Variants in MRPL3 observed in about 807,000 individuals in gnomAD.
MRPL3 encodes the protein large ribosomal subunit protein uL3m.
A neutral mutation model predicts 44.3 loss-of-function variants in MRPL3; 43 were observed. The ratio of observed to expected loss-of-function variants is 0.97; its 90% CI spans 0.76 to 1.25. MRPL3 has a LOEUF of 1.25. Ranked by LOEUF, MRPL3 falls within the 50% of genes most tolerant of loss-of-function variation. The pLI is 0.00. For synonymous variants in MRPL3, 171 were observed against 152.3 expected (o/e 1.12, Z -0.91); for missense variants, 406 against 427.6 (o/e 0.95, Z 0.45).
chr3:131,471,350 G>A lies in MRPL3; in HGVS notation c.630-71C>T. On this transcript the variant is annotated intron_variant, in intron 6 of 9. Coordinates refer to ENST00000264995, the MANE Select transcript of MRPL3 (RefSeq NM_007208.4). ...ACCATTCCCAATTGTACACTTTCTA[G>A]TACCAACTGTACACATTCTTGTTAG... 6.3e-6 allele frequency: 6 copies of A among 959,714 alleles called. No individual in the cohort carries two copies. In the Admixed American group the frequency reaches 9.2e-5, roughly 15 times the overall value. The allele number at this position is 959,714 out of a possible 1,614,324, so 59.4% of individuals were successfully genotyped here.
At chr3:131,487,628 T>C in intron 6 of MRPL3, 52 bp downstream of exon 6, 1 of 1,353,422 alleles carries the variant, frequency 7.4e-7, no homozygotes, top group Non-Finnish European at 1.0e-6. Context: ...TATTCTATTC[T>C]CTTTTAATAG....
intron 6 of MRPL3, among the ~76,000 whole-genome samples, chr3:131,486,031 G>C (rs1195744417): frequency 6.6e-6 from 1 of 151,984 alleles, no homozygotes; most frequent in Non-Finnish European, 1.5e-5. Context: ...TTATGTTGAA[G>C]AAACAAACAT....
At chr3:131,497,167 T>C (rs1193781228) in intron 4 of MRPL3, among the ~76,000 whole-genome samples, 1 of 152,218 alleles carries the variant, frequency 6.6e-6, no homozygotes, top group Non-Finnish European at 1.5e-5. Flanking sequence ...CACTAGCTTA[T>C]GAGCTCCCAG....
intron 3 of MRPL3, 150 bp from the exon 4 acceptor site, chr3:131,498,427 T>C: frequency 7.7e-6 from 4 of 516,984 alleles, no homozygotes; most frequent in Non-Finnish European, 3.3e-6. Flanking sequence ...CTTAAAAATA[T>C]AAATTAAAAA....
intron 6 of MRPL3, 84 bp downstream of exon 6, chr3:131,487,596 G>A: frequency 9.3e-7 from 1 of 1,070,178 alleles, no homozygotes; most frequent in Non-Finnish European, 1.4e-6. Context: ...TCACTGACTT[G>A]AAAGACTGTA....
chr3:131,487,624 A>G (rs1011329320), intron 6 of MRPL3, 56 bp downstream of exon 6: 3 of 1,311,720 alleles, frequency 2.3e-6, no homozygotes, highest in Non-Finnish European at 3.3e-6. Context: ...CACTTATTCT[A>G]TTCTCTTTTA....
At chr3:131,463,380 CAAAA>C (rs34853974) in intron 9 of MRPL3, among the ~76,000 whole-genome samples, 1 of 126,290 alleles carries the variant, frequency 7.9e-6, no homozygotes. Context: ...GTCACATGGT[CAAAA>C]AAAAAAAAAA....
chr3:131,483,994 G>T (rs1934055175), intron 6 of MRPL3, among the ~76,000 whole-genome samples: 1 of 152,122 alleles, frequency 6.6e-6, no homozygotes, highest in Non-Finnish European at 1.5e-5. Flanking sequence ...CTAATGAAAA[G>T]ATAATGAAGC....
At chr3:131,491,687 T>C (rs565039984) in intron 4 of MRPL3, among the ~76,000 whole-genome samples, 57 of 152,198 alleles carry the variant, frequency 3.7e-4, no homozygotes, top group Admixed American at 6.5e-4. Flanking sequence ...TCCTCCAGAC[T>C]ATTTAAAAAT....
chr3:131,489,835 A>C (rs982665346), intron 5 of MRPL3, 146 bp downstream of exon 5: 14 of 532,964 alleles, frequency 2.6e-5, no homozygotes, highest in Admixed American at 1.6e-4. Context: ...AAAAAAAAAA[A>C]AAAACAAAAT....
At position 131,502,732 on chromosome 3, in the gene MRPL3, G is replaced by GT; in HGVS notation, c.89dup (p.Asn30LysfsTer10). ...AGGACACCCTCACACCTTCCTACCT[G>GT]TTCCCCGGGCCCAGGGCAGCACCCA... On this transcript the variant is annotated frameshift_variant, in exon 1 of 10. Coordinates refer to ENST00000264995, the MANE Select transcript of MRPL3 (RefSeq NM_007208.4). LOFTEE classifies it high-confidence loss of function. 1 of 1,608,630 alleles carries GT rather than the reference G, an allele frequency of 6.2e-7. No individual in the cohort carries two copies. Among genetic ancestry groups the GT allele is most frequent in the Non-Finnish European group, 8.5e-7 (1 of 1,176,762 alleles).
intron 1 of MRPL3, 111 bp from the exon 2 acceptor site, chr3:131,501,826 G>C: frequency 1.3e-5 from 21 of 1,590,324 alleles, no homozygotes; most frequent in Non-Finnish European, 1.7e-5. Context: ...CTTGGGAAAG[G>C]GCTTGGATTC....
intron 4 of MRPL3, among the ~76,000 whole-genome samples, chr3:131,493,661 C>G (rs1005987935): frequency 2.6e-5 from 4 of 152,212 alleles, no homozygotes; most frequent in African/African-American, 9.6e-5. Context: ...TCTGCTCCAT[C>G]AGTTCTTGGA....
chr3:131,469,970 AATG>A (rs1933705415), intron 7 of MRPL3, among the ~76,000 whole-genome samples, 197 bp from the exon 8 acceptor site: 5 of 152,142 alleles, frequency 3.3e-5, no homozygotes, highest in Admixed American at 3.3e-4. Context: ...ATGAGACTAG[AATG>A]ATAAAATAAA....
intron 6 of MRPL3, 144 bp downstream of exon 6, chr3:131,487,536 G>A (rs1934156925): frequency 2.9e-6 from 2 of 682,124 alleles, no homozygotes; most frequent in Non-Finnish European, 5.0e-6. Flanking sequence ...AACCAGTGTA[G>A]GTAACATGAA....
chr3:131,472,075 G>C (rs186075266), intron 6 of MRPL3, among the ~76,000 whole-genome samples: 2 of 152,204 alleles, frequency 1.3e-5, no homozygotes, highest in East Asian at 3.9e-4. Context: ...AGTTACAATG[G>C]GATTTCTGAG....
intron 9 of MRPL3, among the ~76,000 whole-genome samples, chr3:131,466,669 A>G (rs1933611821): frequency 8.0e-6 from 1 of 124,582 alleles, no homozygotes; most frequent in Admixed American, 8.2e-5. Context: ...AACTCTTTTA[A>G]AAGCCAAAAA....
In MRPL3 at chr3:131,502,953, G is replaced by A. The variant is rs1340582066; in HGVS notation, c.-132C>T. On this transcript the variant is annotated 5_prime_UTR_variant, in exon 1 of 10. Coordinates refer to ENST00000264995, the MANE Select transcript of MRPL3 (RefSeq NM_007208.4). ...TTTCGCAATGGCCGCCGGAACGGTC[G>A]CCGGCCGATGCTCTCTGCGACGGAA... The A allele has an allele frequency of 4.9e-6, 4 of 816,004 alleles. No individual in the cohort carries two copies. In the Admixed American group the frequency reaches 6.2e-5, roughly 13 times the overall value. The allele number at this position is 816,004 out of a possible 1,614,324, so 50.5% of individuals were successfully genotyped here.
intron 4 of MRPL3, among the ~76,000 whole-genome samples, chr3:131,495,938 A>T (rs1273429578): frequency 6.6e-6 from 1 of 152,168 alleles, no homozygotes; most frequent in African/African-American, 2.4e-5. Flanking sequence ...AGGTGAGTAT[A>T]GGGGACCTAA....
Sources: gnomAD v4.1 joint callset for allele counts (sites outside exome capture counted in the v4.1 genomes callset) on GRCh38, gnomAD v4.1.1 for gene constraint, MANE v1.5 for transcripts, NCBI Gene and HGNC (gene_info 2026-07-23, HGNC 2026-07-21) for gene names.